EFL1: variants seen among roughly 807,000 people sequenced by gnomAD.
EFL1 encodes the protein elongation factor-like GTPase 1.
In EFL1, 76 loss-of-function variants were observed where a neutral mutation model predicts 126.7. That is an observed-to-expected ratio of 0.60 (90% confidence interval 0.50 to 0.73). EFL1 has a LOEUF of 0.73. Among genes scored for constraint, EFL1 ranks in the 30% least tolerant of loss-of-function variants. EFL1 has a pLI of 0.00. For missense variants in EFL1, 1,128 were observed against 1,343.2 expected (o/e 0.84, Z 2.50); for synonymous variants, 410 against 448.4 (o/e 0.91, Z 1.08).
chr15:82,155,194 T>A (rs190366647), intron 17 of EFL1, among the ~76,000 whole-genome samples: 1 of 152,296 alleles, frequency 6.6e-6, no homozygotes, highest in East Asian at 1.9e-4. Flanking sequence ...TTCCAACTTT[T>A]GGCTACTAAA....
At chr15:82,151,356 C>G in intron 18 of EFL1, 109 bp downstream of exon 18, 1 of 1,097,630 alleles carries the variant, frequency 9.1e-7, no homozygotes, top group Non-Finnish European at 1.3e-6. Context: ...CCACTGCACT[C>G]CAGCTGGGGC....
At chr15:82,224,415 T>G (rs1395203442) in intron 12 of EFL1, among the ~76,000 whole-genome samples, 2 of 152,210 alleles carry the variant, frequency 1.3e-5, no homozygotes, top group East Asian at 3.8e-4. Flanking sequence ...CTTGTTTCCC[T>G]AAGTACCACT....
chr15:82,230,312 T>C (rs8032633), intron 8 of EFL1, among the ~76,000 whole-genome samples: 1 of 151,960 alleles, frequency 6.6e-6, no homozygotes, highest in Non-Finnish European at 1.5e-5. Flanking sequence ...GGTTTTAACA[T>C]TAAAAACACA....
At chr15:82,208,710 C>T (rs2074551795) in intron 15 of EFL1, among the ~76,000 whole-genome samples, 1 of 151,854 alleles carries the variant, frequency 6.6e-6, no homozygotes, top group East Asian at 1.9e-4. Context: ...ACATCAATTA[C>T]AGCAAGGAGA....
At chr15:82,249,668 C>G (rs892575490) in intron 4 of EFL1, among the ~76,000 whole-genome samples, 2 of 151,958 alleles carry the variant, frequency 1.3e-5, no homozygotes, top group African/African-American at 4.8e-5. Context: ...GTATGGTATC[C>G]TTGTGGGTGG....
chr15:82,252,996 G>A (rs1863633753), intron 3 of EFL1, among the ~76,000 whole-genome samples: 1 of 151,378 alleles, frequency 6.6e-6, no homozygotes, highest in African/African-American at 2.4e-5. Flanking sequence ...GATTACAGGT[G>A]TGAACCATCA....
chr15:82,140,330 CT>C (rs941767600), intron 18 of EFL1, among the ~76,000 whole-genome samples: 8 of 152,050 alleles, frequency 5.3e-5, no homozygotes, highest in African/African-American at 1.9e-4. Flanking sequence ...AACCTAAATG[CT>C]TTTTTCCCCC....
rs141599190 is a variant in EFL1, at chr15:82,250,732, G to T, written c.244+1959C>A. ...GGATCCATAAACTTTTACTGATACG[G>T]TCTCTAGAGCTATCTTGGATCCAGA... On this transcript the variant is annotated intron_variant, in intron 4 of 19. Coordinates refer to ENST00000268206, the MANE Select transcript of EFL1 (RefSeq NM_024580.6). 5.4e-3 allele frequency among the ~76,000 whole-genome samples: 825 copies of T among 152,198 alleles called. 3 individuals carry two copies. The highest frequency in any genetic ancestry group is 9.1e-3 in the Non-Finnish European group (621 of 68,014).
Position 82,222,957 on chromosome 15 carries a change from C to G in EFL1, c.1292+2208G>C, listed in dbSNP as rs142902555. ...AAGAAAAGAGGCAAGAACACAAGAA[C>G]AGAGGAGAAAGTCCTGTAACAGTCC... is the stretch of plus-strand genomic sequence containing the variant. On this transcript the variant is annotated intron_variant, in intron 12 of 19. Transcript: ENST00000268206. Among the ~76,000 whole-genome samples the G allele has an allele frequency of 8.0e-3, 1,221 of 152,270 alleles. 3 individuals are homozygous for G. The highest frequency in any genetic ancestry group is 0.012 in the Non-Finnish European group (830 of 68,014).
At chr15:82,221,369 A>T (rs1425695416) in intron 12 of EFL1, among the ~76,000 whole-genome samples, 1 of 152,196 alleles carries the variant, frequency 6.6e-6, no homozygotes, top group East Asian at 1.9e-4. Flanking sequence ...CTTGTCTTCC[A>T]AATGGCCACA....
chr15:82,244,564 G>A (rs1272223048), intron 4 of EFL1, among the ~76,000 whole-genome samples: 1 of 152,126 alleles, frequency 6.6e-6, no homozygotes, highest in African/African-American at 2.4e-5. Context: ...TTCATTTCAA[G>A]GCACAGATCT....
intron 17 of EFL1, among the ~76,000 whole-genome samples, chr15:82,157,064 T>C (rs1321670118): frequency 6.6e-6 from 1 of 152,206 alleles, no homozygotes; most frequent in East Asian, 1.9e-4. Context: ...CAGAAGTTTA[T>C]CTTAACCAAA....
intron 19 of EFL1, among the ~76,000 whole-genome samples, chr15:82,138,427 T>C (rs146282751): frequency 2.3e-5 from 2 of 88,152 alleles, no homozygotes; most frequent in Non-Finnish European, 4.5e-5. Context: ...AGAGAGAGAG[T>C]GTATGTGTGT....
At chr15:82,221,791 G>A (rs2074714903) in intron 12 of EFL1, among the ~76,000 whole-genome samples, 1 of 152,180 alleles carries the variant, frequency 6.6e-6, no homozygotes, top group Non-Finnish European at 1.5e-5. Context: ...AGCTCTAAAT[G>A]TCAGAACTTT....
At chr15:82,254,918 C>G (rs1023828919) in intron 3 of EFL1, among the ~76,000 whole-genome samples, 1 of 152,112 alleles carries the variant, frequency 6.6e-6, no homozygotes, top group African/African-American at 2.4e-5. Flanking sequence ...ACTTCAAGGT[C>G]TAGAGAATGA....
intron 12 of EFL1, among the ~76,000 whole-genome samples, chr15:82,224,387 C>A (rs2074740808): frequency 6.6e-6 from 1 of 152,176 alleles, no homozygotes; most frequent in African/African-American, 2.4e-5. Context: ...ATAAATATGA[C>A]AACTAATTAT....
At chr15:82,140,160 T>TA (rs1202527325) in intron 18 of EFL1, among the ~76,000 whole-genome samples, 3 of 152,200 alleles carry the variant, frequency 2.0e-5, no homozygotes, top group African/African-American at 4.8e-5. Context: ...TCTTGTCTAC[T>TA]TCCCCAGCTA....
At position 82,152,258 on chromosome 15, in the gene EFL1, G is replaced by A. The variant is rs1276478961; in HGVS notation, c.2196C>T (p.Ile732=). ...TGATTAGCCCGTCAGAGTCAACTTG[G>A]ATTCCTTCAGGGATTTTGCTTTGAT... is the stretch of plus-strand genomic sequence containing the variant. ...KEDQSKIPEG[I]QVDSDGLITI... Residue 732 remains isoleucine, a synonymous_variant, in exon 18 of 20, where the codon ATC becomes ATT. Transcript: ENST00000268206. 2.5e-6 allele frequency: 4 copies of A among 1,614,048 alleles called. No individual in the cohort carries two copies. The highest frequency in any genetic ancestry group is 1.3e-5 in the African/African-American group (1 of 74,912).
chr15:82,227,630 G>T, intron 10 of EFL1, 58 bp from the exon 11 acceptor site: 1 of 1,610,928 alleles, frequency 6.2e-7, no homozygotes, highest in Non-Finnish European at 8.5e-7. Flanking sequence ...CCAAGGCGAA[G>T]ATTCACTGTA....
Sources: allele counts gnomAD v4.1 joint callset (sites outside exome capture counted in the v4.1 genomes callset), GRCh38; gene constraint gnomAD v4.1.1; transcripts MANE v1.5; gene names NCBI Gene and HGNC (gene_info 2026-07-23, HGNC 2026-07-21).